Variants in ROBO2 observed in about 807,000 individuals in gnomAD.
ROBO2 encodes roundabout homolog 2.
ROBO2 carries 53 observed loss-of-function variants against 160.8 expected under a neutral mutation model. The observed-to-expected ratio is 0.33, with a 90% CI of 0.26 to 0.41. The LOEUF (loss-of-function observed/expected upper bound fraction) is 0.41, where lower values mean the gene tolerates loss of function less well. ROBO2 is among the 10% of genes least tolerant of loss of function. The pLI, the probability that ROBO2 is intolerant of heterozygous loss-of-function variation, is 1.00. For synonymous variants in ROBO2, 664 were observed against 611.7 expected, an observed-to-expected ratio of 1.09 and a Z score of -1.26; for missense variants, 1,577 against 1,722.4, an observed-to-expected ratio of 0.92 and a Z score of 1.49.
intron 2 of ROBO2, among the ~76,000 whole-genome samples, chr3:77,260,481 A>C (rs2058705038): frequency 6.6e-6 from 1 of 152,168 alleles, no homozygotes; most frequent in African/African-American, 2.4e-5. Context: ...ATAAATGACT[A>C]TTTGTGATCC....
chr3:77,323,365 A>G (rs1299757268), intron 2 of ROBO2, among the ~76,000 whole-genome samples: 1 of 151,950 alleles, frequency 6.6e-6, no homozygotes, highest in African/African-American at 2.4e-5. Context: ...ACTTAATTGT[A>G]TCTCTCAAGA....
chr3:77,189,020 C>T (rs1431701518), intron 2 of ROBO2, among the ~76,000 whole-genome samples: 1 of 148,844 alleles, frequency 6.7e-6, no homozygotes, highest in East Asian at 2.0e-4. Context: ...CTTTCTGATT[C>T]AAAATACAGA....
At chr3:76,244,815 T>C (rs1705518734) in intron 2 of ROBO2, among the ~76,000 whole-genome samples, 1 of 152,128 alleles carries the variant, frequency 6.6e-6, no homozygotes. Context: ...CAAAATGCTA[T>C]AAAAAATTCA....
intron 2 of ROBO2, among the ~76,000 whole-genome samples, chr3:76,650,481 C>CTTTTTTTTTTTT (rs67171130): frequency 2.7e-5 from 4 of 146,726 alleles, no homozygotes; most frequent in Non-Finnish European, 3.0e-5. Context: ...CCTTCTTTCT[C>CTTTTTTTTTTTT]TTTTTTTTTT....
intron 2 of ROBO2, among the ~76,000 whole-genome samples, chr3:77,142,772 G>T (rs146157620): frequency 1.3e-5 from 2 of 152,102 alleles, no homozygotes; most frequent in Admixed American, 1.3e-4. Context: ...GGAGGAGAAG[G>T]CAGCTACCTC....
intron 2 of ROBO2, among the ~76,000 whole-genome samples, chr3:76,917,575 C>T (rs138657730): frequency 4.6e-5 from 7 of 152,222 alleles, no homozygotes; most frequent in South Asian, 2.1e-4. Context: ...GAGAGAAGAG[C>T]GCAGTTTGTT....
At chr3:76,108,279 T>C (rs1272183855) in intron 2 of ROBO2, among the ~76,000 whole-genome samples, 3 of 152,072 alleles carry the variant, frequency 2.0e-5, no homozygotes, top group African/African-American at 7.2e-5. Flanking sequence ...TCTGAAAGTT[T>C]TTAATGAAAG....
chr3:76,559,019 A>G (rs1286713365), intron 2 of ROBO2, among the ~76,000 whole-genome samples: 7 of 152,130 alleles, frequency 4.6e-5, no homozygotes, highest in Non-Finnish European at 1.5e-5. Flanking sequence ...ATCCAGGGTA[A>G]CATCCAGAAT....
At chr3:77,477,712 A>T (rs918673690) in intron 3 of ROBO2, 141 bp downstream of exon 3, 8 of 935,216 alleles carry the variant, frequency 8.6e-6, no homozygotes, top group African/African-American at 1.7e-5. Flanking sequence ...GAAAAGATTT[A>T]AAAACATTTG....
At chr3:77,148,791 C>A (rs992874840) in intron 2 of ROBO2, among the ~76,000 whole-genome samples, 3 of 152,092 alleles carry the variant, frequency 2.0e-5, no homozygotes, top group Admixed American at 6.6e-5. Context: ...CAAAATAAAT[C>A]TAATAGGGAA....
At chr3:76,581,581 T>C (rs2085703775) in intron 2 of ROBO2, among the ~76,000 whole-genome samples, 1 of 152,164 alleles carries the variant, frequency 6.6e-6, no homozygotes, top group Non-Finnish European at 1.5e-5. Context: ...AAAGCTGCAG[T>C]GAGCTATGAT....
At chr3:77,646,225 GTTC>G (rs2095411798) in exon 26 of ROBO2, 2 of 454,586 alleles carry the variant, frequency 4.4e-6, no homozygotes, top group African/African-American at 4.1e-5. Flanking sequence ...TTTTCATTGT[GTTC>G]TTCTCTTAAG....
At chr3:77,563,064 T>C (rs2093375611) in intron 10 of ROBO2, 103 bp from the exon 12 acceptor site, 2 of 1,037,072 alleles carry the variant, frequency 1.9e-6, no homozygotes, top group Non-Finnish European at 2.9e-6. Context: ...GATGAATTTC[T>C]CACTGTCTAG....
intron 7 of ROBO2, among the ~76,000 whole-genome samples, chr3:77,549,942 C>T (rs564799392): frequency 1.3e-5 from 2 of 151,854 alleles, no homozygotes; most frequent in African/African-American, 4.8e-5. Flanking sequence ...TTGATATCTC[C>T]TTATTTATAA....
At chr3:76,023,225 C>A (rs901435546) in intron 2 of ROBO2, among the ~76,000 whole-genome samples, 1 of 151,664 alleles carries the variant, frequency 6.6e-6, no homozygotes, top group East Asian at 1.9e-4. Flanking sequence ...GTTTTACATT[C>A]TTTATCGTTC....
chr3:77,092,964 G>A (rs894530333), intron 1 of ROBO2, among the ~76,000 whole-genome samples: 2 of 151,916 alleles, frequency 1.3e-5, no homozygotes, highest in African/African-American at 4.8e-5. Context: ...AGGTACTCTT[G>A]AGCAGGGTGG....
rs570522927 is a variant in ROBO2 at position 76,450,555 on chromosome 3, A to G, written c.109+512953A>G. Among the ~76,000 whole-genome samples the G allele has an allele frequency of 5.9e-5, 9 of 152,270 alleles. No homozygotes were observed. The East Asian group carries it at 1.7e-3, about 30-fold the overall frequency. On this transcript the variant is annotated intron_variant, in intron 2 of 26. Coordinates refer to the ROBO2 transcript ENST00000487694. Reference sequence around the variant, plus strand: ...AGTCACCAACTCCTGCACTCAAGTGATGCTCCAGCCTCATCCTCTTGAGTA... The same window carrying G: ...AGTCACCAACTCCTGCACTCAAGTGGTGCTCCAGCCTCATCCTCTTGAGTA...
chr3:76,655,952 G>C (rs1358956458), intron 2 of ROBO2, among the ~76,000 whole-genome samples: 1 of 151,870 alleles, frequency 6.6e-6, no homozygotes, highest in African/African-American at 2.4e-5. Context: ...TCCTATAAAT[G>C]TTTGGCTTAA....
At chr3:76,027,619 G>A (rs1234026691) in intron 2 of ROBO2, among the ~76,000 whole-genome samples, 1 of 151,824 alleles carries the variant, frequency 6.6e-6, no homozygotes, top group Non-Finnish European at 1.5e-5. Flanking sequence ...TGACAACAGT[G>A]TCTTGCTTCT....
Sources: gnomAD v4.1 joint callset for allele counts (sites outside exome capture counted in the v4.1 genomes callset) on GRCh38, gnomAD v4.1.1 for gene constraint, MANE v1.5 for transcripts, NCBI Gene and HGNC (gene_info 2026-07-23, HGNC 2026-07-21) for gene names.